Variants in TBXAS1 observed in about 807,000 individuals in gnomAD.
TBXAS1 encodes thromboxane A synthase 1.
TBXAS1 carries 48 observed loss-of-function variants against 60.7 expected under a neutral mutation model. The observed-to-expected ratio is 0.79, with a 90% CI of 0.63 to 1.01. The LOEUF (loss-of-function observed/expected upper bound fraction) is 1.01, where lower values mean the gene tolerates loss of function less well. TBXAS1 is among the 50% of genes least tolerant of loss of function. The pLI, the probability that TBXAS1 is intolerant of heterozygous loss-of-function variation, is 0.00. For synonymous variants in TBXAS1, 287 were observed against 269.7 expected (o/e 1.06, Z -0.63); for missense variants, 685 against 686.3 (o/e 1.00, Z 0.02).
At position 139,975,718 on chromosome 7, in the gene TBXAS1, G is replaced by A. The variant is rs919466167; in HGVS notation, c.1134+13485G>A. ...GCCCTGAGGATAATAAGTTTCCCTC[G>A]AAGGTCCTGGGTTTGTTGGAGCTTT... On this transcript the variant is annotated intron_variant, in intron 9 of 12. Transcript: ENST00000448866. The surrounding 1 kb of genome is among the most constrained non-coding windows in gnomAD (Gnocchi z 4.4). Among the ~76,000 whole-genome samples the A allele has an allele frequency of 1.1e-4, 17 of 152,160 alleles. No individual in the cohort carries two copies. Among genetic ancestry groups the A allele is most frequent in the African/African-American group, 3.9e-4 (16 of 41,436 alleles).
intron 9 of TBXAS1, among the ~76,000 whole-genome samples, chr7:139,998,694 C>G (rs376383957): frequency 6.6e-6 from 1 of 152,228 alleles, no homozygotes; most frequent in East Asian, 1.9e-4. Flanking sequence ...TATTCTAGAT[C>G]TCTGCAGACA....
chr7:139,937,970 C>G (rs1343982277), intron 5 of TBXAS1, among the ~76,000 whole-genome samples: 1 of 152,034 alleles, frequency 6.6e-6, no homozygotes, highest in Non-Finnish European at 1.5e-5. Context: ...TATTTTCTGC[C>G]TAAGTTTGGA....
intron 3 of TBXAS1, among the ~76,000 whole-genome samples, chr7:139,899,943 T>C (rs1259836450): frequency 6.6e-6 from 1 of 152,218 alleles, no homozygotes; most frequent in Non-Finnish European, 1.5e-5. Flanking sequence ...TGACTTTGCC[T>C]CTCTAAGTCT....
At chr7:139,824,074 C>G (rs562663423) in intron 4 of TBXAS1, among the ~76,000 whole-genome samples, 1 of 152,094 alleles carries the variant, frequency 6.6e-6, no homozygotes, top group African/African-American at 2.4e-5. Context: ...GACATCTGCA[C>G]GGGCAGTTTT....
intron 9 of TBXAS1, among the ~76,000 whole-genome samples, chr7:139,997,985 G>A (rs117912128): frequency 1.3e-5 from 2 of 152,308 alleles, no homozygotes; most frequent in Non-Finnish European, 2.9e-5. Flanking sequence ...AATGTCCATT[G>A]ACAAGGAAAA....
At chr7:139,830,425 T>C (rs1485914268) in intron 1 of TBXAS1, among the ~76,000 whole-genome samples, 1 of 152,250 alleles carries the variant, frequency 6.6e-6, no homozygotes, top group Non-Finnish European at 1.5e-5. Context: ...GGAATTTGCA[T>C]AGCTGAGAGT....
chr7:139,972,162 C>T (rs1811250968), intron 9 of TBXAS1, among the ~76,000 whole-genome samples: 1 of 152,220 alleles, frequency 6.6e-6, no homozygotes, highest in South Asian at 2.1e-4. Flanking sequence ...CCCCCTGAGT[C>T]CCTGCAGAGC....
intron 9 of TBXAS1, among the ~76,000 whole-genome samples, chr7:139,967,625 C>T (rs1387306444): frequency 6.6e-6 from 1 of 152,170 alleles, no homozygotes; most frequent in Non-Finnish European, 1.5e-5. Flanking sequence ...GAATATGATC[C>T]CCTGATTGGC....
chr7:139,882,031 AG>A (rs1802738841), intron 3 of TBXAS1, among the ~76,000 whole-genome samples: 1 of 152,242 alleles, frequency 6.6e-6, no homozygotes, highest in Admixed American at 6.5e-5. Flanking sequence ...GCCATCCATT[AG>A]GAGAGTCTGT....
intron 5 of TBXAS1, among the ~76,000 whole-genome samples, chr7:139,940,825 G>A (rs986450139): frequency 1.3e-5 from 2 of 152,118 alleles, no homozygotes; most frequent in Admixed American, 6.5e-5. Flanking sequence ...ATGAATGGAT[G>A]TATGAAGAAT....
intron 3 of TBXAS1, among the ~76,000 whole-genome samples, chr7:139,908,951 G>C (rs1419321286): frequency 1.3e-5 from 2 of 152,098 alleles, no homozygotes; most frequent in African/African-American, 4.8e-5. Flanking sequence ...TAGATGACTT[G>C]TGATTGACAG....
At chr7:139,936,106 C>G in intron 4 of TBXAS1, 85 bp from the exon 5 acceptor site, 1 of 1,257,160 alleles carries the variant, frequency 8.0e-7, no homozygotes, top group Non-Finnish European at 1.2e-6. Context: ...GGACTTTAAC[C>G]AGGGTGTTTG....
chr7:139,790,656 G>A (rs1797353450), intron 4 of TBXAS1, among the ~76,000 whole-genome samples: 1 of 152,136 alleles, frequency 6.6e-6, no homozygotes. Flanking sequence ...AATTCAAATG[G>A]CAGACCATGT....
intron 5 of TBXAS1, chr7:139,952,812 C>A (rs770886332): frequency 5.1e-6 from 5 of 988,058 alleles, no homozygotes; most frequent in African/African-American, 4.9e-5. Context: ...GAAAGCTTAG[C>A]GGCTTAAGCA....
chr7:139,895,129 T>C (rs1278547159), intron 3 of TBXAS1, among the ~76,000 whole-genome samples: 2 of 151,896 alleles, frequency 1.3e-5, no homozygotes, highest in Non-Finnish European at 2.9e-5. Flanking sequence ...TAGGAGGAAG[T>C]AGGTCTTGAA....
At chr7:140,005,458 G>GC (rs1814002635) in intron 9 of TBXAS1, among the ~76,000 whole-genome samples, 2 of 152,008 alleles carry the variant, frequency 1.3e-5, no homozygotes, top group South Asian at 4.1e-4. Flanking sequence ...AAAAGATAAA[G>GC]TTATGAAGAC....
At chr7:139,922,392 G>A (rs1376432901) in intron 4 of TBXAS1, among the ~76,000 whole-genome samples, 2 of 151,896 alleles carry the variant, frequency 1.3e-5, no homozygotes, top group Admixed American at 6.6e-5. Context: ...GTGAGCCACC[G>A]CGCCCAGCCG....
chr7:139,985,771 A>G (rs1321690011), intron 9 of TBXAS1, among the ~76,000 whole-genome samples: 2 of 152,190 alleles, frequency 1.3e-5, no homozygotes, highest in Non-Finnish European at 2.9e-5. Flanking sequence ...GCATCCCCCA[A>G]TGTCCAGCAC....
At chr7:139,993,578 C>T (rs1474870038) in intron 9 of TBXAS1, among the ~76,000 whole-genome samples, 1 of 152,200 alleles carries the variant, frequency 6.6e-6, no homozygotes, top group African/African-American at 2.4e-5. Flanking sequence ...GAGATTCTCA[C>T]AGTGTGACCC....
Sources: gnomAD v4.1 joint callset for allele counts (sites outside exome capture counted in the v4.1 genomes callset) on GRCh38, gnomAD v4.1.1 for gene constraint, Gnocchi (gnomAD v3.1) non-coding constraint, MANE v1.5 for transcripts, NCBI Gene and HGNC (gene_info 2026-07-23, HGNC 2026-07-21) for gene names.